The following SYDE2 variants were observed in gnomAD, a reference collection of about 807,000 sequenced individuals.
SYDE2 encodes the protein synapse defective Rho GTPase homolog 2.
SYDE2 carries 76 observed loss-of-function variants against 91.5 expected under a neutral mutation model. The ratio of observed to expected loss-of-function variants is 0.83; its 90% CI spans 0.69 to 1.01. The LOEUF is 1.01. Ranked by LOEUF, SYDE2 falls within the 50% of genes least tolerant of loss-of-function variation. The probability of loss-of-function intolerance (pLI) is 0.00; values close to 1 mark genes in which losing one functional copy is unlikely to be tolerated. For synonymous variants in SYDE2, 513 were observed against 506.4 expected, an observed-to-expected ratio of 1.01 and a Z score of -0.18; for missense variants, 1,364 against 1,367.7, an observed-to-expected ratio of 1.00 and a Z score of 0.04.
chr1:85,186,053 T>C (rs1247427562), intron 2 of SYDE2, among the ~76,000 whole-genome samples: 2 of 151,818 alleles, frequency 1.3e-5, no homozygotes, highest in Admixed American at 1.3e-4. Flanking sequence ...ATTGAGATAA[T>C]CATGTGGTTT....
intron 1 of SYDE2, among the ~76,000 whole-genome samples, chr1:85,196,345 A>G (rs959712999): frequency 6.6e-6 from 1 of 152,188 alleles, no homozygotes; most frequent in Non-Finnish European, 1.5e-5. Flanking sequence ...CCACACCTAT[A>G]GAATCTGCAT....
chr1:85,191,286 G>A (rs1301813249), intron 1 of SYDE2, among the ~76,000 whole-genome samples: 2 of 152,024 alleles, frequency 1.3e-5, no homozygotes, highest in Non-Finnish European at 2.9e-5. Flanking sequence ...CCTTATGTAG[G>A]GTTTAAGTTC....
In SYDE2 at chr1:85,190,637, T is replaced by C. The variant is rs762619247; in HGVS notation, c.861A>G (p.Lys287=). Reference sequence around the variant, plus strand: ...GAGTACTCTGATATAGCCAATTGCGTTTCTTTGAAACAGTGATGCTGTTAA... The same window carrying C: ...GAGTACTCTGATATAGCCAATTGCGCTTCTTTGAAACAGTGATGCTGTTAA... ...KPLNSITVSK[K]RNWLYQSTLR... The change falls in exon 2 of 7, where the codon AAA becomes AAG. Residue 287 remains lysine (K), a synonymous_variant. Transcript: ENST00000341460. 4.3e-6 allele frequency: 7 copies of C among 1,613,844 alleles called. No individual in the cohort carries two copies.
chr1:85,192,276 C>A (rs1048754109), intron 1 of SYDE2, among the ~76,000 whole-genome samples: 2 of 152,102 alleles, frequency 1.3e-5, no homozygotes, highest in South Asian at 4.2e-4. Flanking sequence ...GGTGTGGTGG[C>A]ACACACCTGT....
chr1:85,200,077 G>T, intron 1 of SYDE2, 175 bp downstream of exon 1: 1 of 871,008 alleles, frequency 1.1e-6, no homozygotes. Context: ...ACGAGTAAAT[G>T]CATTACATTA....
At chr1:85,162,358 C>T (rs1657093584) in intron 6 of SYDE2, among the ~76,000 whole-genome samples, 1 of 152,142 alleles carries the variant, frequency 6.6e-6, no homozygotes, top group Non-Finnish European at 1.5e-5. Context: ...TAGTCTTTGC[C>T]ACATTCTCTA....
chr1:85,183,163 C>T lies in SYDE2; in HGVS notation c.1479G>A (p.Leu493=). 2 of 1,590,644 alleles carry T rather than the reference C, an allele frequency of 1.3e-6. No homozygotes were observed. The highest frequency in any genetic ancestry group is 1.7e-6 in the Non-Finnish European group (2 of 1,172,460). Residue 493 remains leucine, a synonymous_variant, in exon 3 of 7, where the codon TTG becomes TTA. Transcript: ENST00000341460. ...GILAATNSTE[L]GIMEPSSPNP... ...TTGGAGAAGATGGTTCCATAATTCC[C>T]AATTCAGTACTATTTGTAGCAGCCA...
At chr1:85,196,621 C>G (rs1003723043) in intron 1 of SYDE2, among the ~76,000 whole-genome samples, 3 of 147,538 alleles carry the variant, frequency 2.0e-5, no homozygotes, top group African/African-American at 7.4e-5. Context: ...AAAAAAAAAG[C>G]AACTGCACTT....
At chr1:85,168,983 G>A (rs1306517279) in intron 5 of SYDE2, 61 bp downstream of exon 5, 8 of 1,394,184 alleles carry the variant, frequency 5.7e-6, no homozygotes, top group Middle Eastern at 3.5e-4. Flanking sequence ...TTGTAGCTCT[G>A]GAGGTAGGTA....
At chr1:85,181,007 CAA>C (rs901941059) in intron 3 of SYDE2, among the ~76,000 whole-genome samples, 6 of 152,022 alleles carry the variant, frequency 3.9e-5, no homozygotes, top group Non-Finnish European at 5.9e-5. Context: ...CTCACTCACA[CAA>C]AGACAACACA....
At position 85,190,047 on chromosome 1, in the gene SYDE2, T is replaced by C. The variant is rs758258028; in HGVS notation, c.1441+10A>G. On this transcript the variant is annotated intron_variant, in intron 2 of 6. Coordinates refer to ENST00000341460, the MANE Select transcript of SYDE2 (RefSeq NM_032184.2). ...AGAAGAAAGAAAGACACATATATGA[T>C]CATTTTTACCTGCAAAAGGAGATTT... The C allele has an allele frequency of 6.4e-7, 1 of 1,569,886 alleles. No homozygotes were observed. The highest frequency in any genetic ancestry group is 8.7e-7 in the Non-Finnish European group (1 of 1,155,630).
In SYDE2 at chr1:85,163,153, C is replaced by T. The variant is rs369291104; in HGVS notation, c.3085+1373G>A. On this transcript the variant is annotated intron_variant, in intron 6 of 6. Transcript: ENST00000341460. ...ACGGAGTCTCACGCTGTCCCCCAGG[C>T]TAGAGTGCACTTCCGCAATCTCGGC... Among the ~76,000 whole-genome samples the T allele has an allele frequency of 5.7e-4, 85 of 149,426 alleles. No individual in the cohort carries two copies. In the East Asian group the frequency reaches 7.3e-3, roughly 13 times the overall value.
intron 5 of SYDE2, among the ~76,000 whole-genome samples, chr1:85,166,697 T>C (rs937454324): frequency 2.0e-5 from 3 of 152,206 alleles, no homozygotes; most frequent in Admixed American, 6.5e-5. Flanking sequence ...GAATCATATT[T>C]CTTTTTTAAA....
At chr1:85,159,404 T>A (rs1656982540) in intron 6 of SYDE2, among the ~76,000 whole-genome samples, 155 bp from the exon 7 acceptor site, 2 of 152,196 alleles carry the variant, frequency 1.3e-5, no homozygotes. Context: ...ATAATTATTT[T>A]TTATTACCAG....
intron 3 of SYDE2, among the ~76,000 whole-genome samples, chr1:85,180,483 A>C (rs998140387): frequency 2.0e-5 from 3 of 152,076 alleles, no homozygotes; most frequent in Non-Finnish European, 4.4e-5. Context: ...CAAGGTCAGG[A>C]GCTGGAGACT....
rs74095821 is a variant in SYDE2, at chr1:85,172,264, G to A, written c.2672-3039C>T. On this transcript the variant is annotated intron_variant, in intron 4 of 6. Transcript: ENST00000341460. The stretch of plus-strand genomic sequence containing the variant: ...TCTGTTTTCTCTGTGAAGTTAGGAG[G>A]CAAGGTCGTCTGCTAAGAGTGACAT... Among the ~76,000 whole-genome samples the A allele has an allele frequency of 4.7e-3, 721 of 152,256 alleles. 6 individuals carry two copies. Among genetic ancestry groups the A allele is most frequent in the African/African-American group, 0.017 (694 of 41,554 alleles).
At chr1:85,163,480 T>TATATATATATA (rs1216698478) in intron 6 of SYDE2, among the ~76,000 whole-genome samples, 3 of 134,650 alleles carry the variant, frequency 2.2e-5, no homozygotes, top group African/African-American at 5.9e-5. Context: ...TATATATATA[T>TATATATATATA]AACAAAAGAG....
At chr1:85,200,003 G>C in intron 1 of SYDE2, 1 of 374,142 alleles carries the variant, frequency 2.7e-6, no homozygotes, top group Non-Finnish European at 3.7e-6. Flanking sequence ...CTGGTTTTTC[G>C]AGAAGAAATC....
At chr1:85,153,028 C>G (rs1656812346), downstream of SYDE2, 1 of 152,142 alleles carries the variant, frequency 6.6e-6, no homozygotes, top group Non-Finnish European at 1.5e-5. Context: ...GAAGCAGGCT[C>G]TTTGAAGTGA....
Sources: allele counts gnomAD v4.1 joint callset (sites outside exome capture counted in the v4.1 genomes callset), GRCh38; gene constraint gnomAD v4.1.1; transcripts MANE v1.5; gene names NCBI Gene and HGNC (gene_info 2026-07-23, HGNC 2026-07-21).